NOS1: variants seen among roughly 807,000 people sequenced by gnomAD.
NOS1 encodes the protein NOS type I.
Under a neutral mutation model 164.5 loss-of-function variants are expected in NOS1, and 51 were observed. The observed-to-expected ratio is 0.31, with a 90% confidence interval of 0.25 to 0.39. The LOEUF is 0.39. Ranked by LOEUF, NOS1 falls within the 10% of genes least tolerant of loss-of-function variation. NOS1 has a pLI of 1.00. For missense variants in NOS1, 1,362 were observed against 1,885.6 expected (o/e 0.72, Z 5.14); for synonymous variants, 719 against 745.8 (o/e 0.96, Z 0.59).
chr12:117,269,460 A>ATTTTTTTTTTTTTTTTTTTTTT (rs200222625), intron 10 of NOS1, among the ~76,000 whole-genome samples: 4 of 110,048 alleles, frequency 3.6e-5, no homozygotes, highest in South Asian at 2.7e-4. Context: ...ATCTCTGGAG[A>ATTTTTTTTTTTTTTTTTTTTTT]TTTGTTTTTT....
chr12:117,218,593 A>G (rs1462860018), intron 27 of NOS1, among the ~76,000 whole-genome samples: 3 of 152,072 alleles, frequency 2.0e-5, no homozygotes, highest in African/African-American at 7.2e-5. Flanking sequence ...GGAAGGAACA[A>G]GTGGCCGCAT....
intron 17 of NOS1, among the ~76,000 whole-genome samples, chr12:117,252,089 C>A (rs1467106977): frequency 6.6e-6 from 1 of 152,082 alleles, no homozygotes; most frequent in Non-Finnish European, 1.5e-5. Flanking sequence ...GCTTACAGGC[C>A]AAGAAGCAAA....
At position 117,209,565 on chromosome 12, in the gene NOS1, C is replaced by G. The variant is rs548723349; in HGVS notation, c.*5744G>C. ...ATAACGGACTGTGTTTTGGGCCAGA[C>G]GGGCATAGCCCCGCTTGACCAGAAC... On this transcript the variant is annotated 3_prime_UTR_variant, in exon 29 of 29. Transcript: ENST00000317775. The G allele has an allele frequency of 2.2e-5, 22 of 985,484 alleles. No homozygotes were observed. In the East Asian group the frequency reaches 2.3e-3, roughly 102 times the overall value. The allele number at this position is 985,484 out of a possible 1,614,324, so 61.0% of individuals were successfully genotyped here. A position where few individuals can be genotyped will look rare whatever the true frequency, so the allele number is the denominator to read the frequency against.
chr12:117,234,685 C>T lies in NOS1; in HGVS notation c.3115G>A (p.Gly1039Ser). The T allele has an allele frequency of 6.2e-7, 1 of 1,614,154 alleles. No individual in the cohort carries two copies. The highest frequency in any genetic ancestry group is 8.5e-7 in the Non-Finnish European group (1 of 1,180,008). ...ELQYQPGDHLGVFPGNHEDLV... is the reference protein window; with the variant it reads ...ELQYQPGDHLSVFPGNHEDLV... ...TCCTCGTGGTTGCCAGGGAAGACAC[C>T]CAGGTGGTCCCCAGGCTGGTACTGC... The change falls in exon 21 of 29, where the codon GGT becomes AGT. Residue 1039 changes from glycine (G) to serine (S), a missense_variant. Physicochemically the swap from Gly to Ser is moderately conservative, Grantham distance 56 (BLOSUM62 0). Transcript: ENST00000317775. This position sits in a 1 kb window ranked among gnomAD's most constrained non-coding sequence, Gnocchi z 4.3.
intron 12 of NOS1, among the ~76,000 whole-genome samples, 167 bp from the exon 13 acceptor site, chr12:117,264,141 G>A (rs1872170375): frequency 1.5e-5 from 2 of 130,168 alleles, no homozygotes; most frequent in Non-Finnish European, 3.6e-5. Flanking sequence ...TGCGGGGTTG[G>A]GGGGAGGGGG....
At chr12:117,250,564 G>A (rs749240041) in intron 17 of NOS1, among the ~76,000 whole-genome samples, 1 of 152,018 alleles carries the variant, frequency 6.6e-6, no homozygotes, top group African/African-American at 2.4e-5. Flanking sequence ...TCTGACCTCA[G>A]GTGATCCACA....
At chr12:117,340,871 CTATTTTTT>C (rs1376507252) in intron 1 of NOS1, among the ~76,000 whole-genome samples, 3 of 96,434 alleles carry the variant, frequency 3.1e-5, no homozygotes, top group Non-Finnish European at 6.1e-5. Context: ...TCACACCTGG[CTATTTTTT>C]TTTTTTTTTT....
chr12:117,229,593 T>TATC (rs1555248810), intron 22 of NOS1, among the ~76,000 whole-genome samples: 2 of 152,082 alleles, frequency 1.3e-5, no homozygotes, highest in African/African-American at 2.4e-5. Flanking sequence ...TCTATCTATC[T>TATC]ATCTATCTAT....
chr12:117,330,226 T>A lies in NOS1; in HGVS notation c.725+119A>T, dbSNP rs1364995639. 7.0e-7 allele frequency: 1 copy of A among 1,423,910 alleles called. No individual in the cohort carries two copies. Among genetic ancestry groups the A allele is most frequent in the African/African-American group, 1.4e-5 (1 of 70,268 alleles). The allele number at this position is 1,423,910 out of a possible 1,614,324, so 88.2% of individuals were successfully genotyped here. ...TCAAGTGGTTATGCAAAAACAGGTA[T>A]CTGAGACAGCCCAGGTTGGCTTCTG... On this transcript the variant is annotated intron_variant, in intron 2 of 28. Coordinates refer to ENST00000317775, the MANE Select transcript of NOS1 (RefSeq NM_000620.5). The surrounding 1 kb of genome is among the most constrained non-coding windows in gnomAD (Gnocchi z 4.6).
intron 20 of NOS1, among the ~76,000 whole-genome samples, chr12:117,236,353 C>T (rs1196082588): frequency 2.6e-5 from 4 of 152,048 alleles, no homozygotes; most frequent in Non-Finnish European, 5.9e-5. Flanking sequence ...ACCTTTTGTG[C>T]TACAAATAGC....
At chr12:117,280,670 T>TAAAAGC in intron 8 of NOS1, 55 bp downstream of exon 8, 1 of 787,464 alleles carries the variant, frequency 1.3e-6, no homozygotes, top group Non-Finnish European at 1.8e-6. Flanking sequence ...AAGTCTGTGG[T>TAAAAGC]CTGGGGACAT....
At chr12:117,216,152 A>G (rs1956606376) in intron 28 of NOS1, among the ~76,000 whole-genome samples, 1 of 150,502 alleles carries the variant, frequency 6.6e-6, no homozygotes, top group African/African-American at 2.4e-5. Context: ...TGCTGGGATT[A>G]CAGGTGTGAG....
intron 1 of NOS1, among the ~76,000 whole-genome samples, chr12:117,337,681 A>G (rs1875903322): frequency 6.6e-6 from 1 of 152,202 alleles, no homozygotes; most frequent in Admixed American, 6.5e-5. Flanking sequence ...GGGAATAGGC[A>G]TGGTGGGGGT....
intron 2 of NOS1, among the ~76,000 whole-genome samples, chr12:117,323,118 G>A (rs1459637275): frequency 1.3e-5 from 2 of 152,186 alleles, no homozygotes; most frequent in Non-Finnish European, 2.9e-5. Context: ...GAAGAGCCAT[G>A]GGATAAGCCT....
intron 2 of NOS1, among the ~76,000 whole-genome samples, chr12:117,317,008 G>A (rs1429764903): frequency 6.6e-6 from 1 of 152,076 alleles, no homozygotes; most frequent in Non-Finnish European, 1.5e-5. Flanking sequence ...AGCCTCCTGA[G>A]TAGCTGAGGT....
intron 3 of NOS1, among the ~76,000 whole-genome samples, chr12:117,301,173 G>A (rs1210084430): frequency 2.6e-5 from 4 of 152,120 alleles, no homozygotes; most frequent in Non-Finnish European, 5.9e-5. Flanking sequence ...TGTCACCCAG[G>A]CTGGAGTGTA....
At chr12:117,297,449 T>C (rs1388130025) in intron 3 of NOS1, among the ~76,000 whole-genome samples, 3 of 151,878 alleles carry the variant, frequency 2.0e-5, no homozygotes, top group Admixed American at 2.0e-4. Context: ...TGGAGTGCAA[T>C]GGTGCGATCT....
At chr12:117,221,680 G>A (rs1011391260) in intron 26 of NOS1, among the ~76,000 whole-genome samples, 1 of 150,466 alleles carries the variant, frequency 6.6e-6, no homozygotes, top group African/African-American at 2.4e-5. Flanking sequence ...GTTGCCCAGG[G>A]TGGAGTGCAG....
intron 1 of NOS1, among the ~76,000 whole-genome samples, chr12:117,351,565 C>T (rs1876620456): frequency 6.6e-6 from 1 of 152,188 alleles, no homozygotes; most frequent in Non-Finnish European, 1.5e-5. Flanking sequence ...TCCATTGCCC[C>T]TTGGGAGGAG....
Sources: allele counts gnomAD v4.1 joint callset (sites outside exome capture counted in the v4.1 genomes callset), GRCh38; gene constraint gnomAD v4.1.1; non-coding constraint Gnocchi (gnomAD v3.1); transcripts MANE v1.5; gene names NCBI Gene and HGNC (gene_info 2026-07-23, HGNC 2026-07-21).